NEURL1: variants seen among roughly 807,000 people sequenced by gnomAD.
NEURL1 encodes the protein E3 ubiquitin-protein ligase NEURL1.
A neutral mutation model predicts 41.2 loss-of-function variants in NEURL1; 26 were observed. That is an observed-to-expected ratio of 0.63 (90% CI 0.46 to 0.87). NEURL1 has a LOEUF of 0.87. NEURL1 is among the 40% of genes least tolerant of loss of function. The pLI, the probability that NEURL1 is intolerant of heterozygous loss-of-function variation, is 0.00. For missense variants in NEURL1, 761 were observed against 871.1 expected, an observed-to-expected ratio of 0.87 and a Z score of 1.59; for synonymous variants, 400 against 402.3, an observed-to-expected ratio of 0.99 and a Z score of 0.07.
chr10:103,548,714 T>C (rs1053272681), intron 1 of NEURL1, among the ~76,000 whole-genome samples: 1 of 152,236 alleles, frequency 6.6e-6, no homozygotes, highest in African/African-American at 2.4e-5. Flanking sequence ...TCTACGTGGA[T>C]TCCCGAGTTC....
intron 5 of NEURL1, among the ~76,000 whole-genome samples, chr10:103,589,920 C>T (rs74154554): frequency 2.5e-4 from 38 of 152,366 alleles, no homozygotes; most frequent in African/African-American, 9.1e-4. Context: ...GCCTCCTAGC[C>T]ACTCTGTCCC....
intron 1 of NEURL1, among the ~76,000 whole-genome samples, chr10:103,526,340 A>G (rs1052893077): frequency 6.6e-6 from 1 of 152,154 alleles, no homozygotes; most frequent in East Asian, 1.9e-4. Context: ...TGTTTGGTAG[A>G]ATTCAGCAGC....
rs370130979 is a variant in NEURL1, at chr10:103,582,156, G to A, written c.650-2380G>A. ...GGAGGCTCTGGCTGGACATCTCTGA[G>A]CGACCTGATTCCTCTTCTCCCTGCT... On this transcript the variant is annotated intron_variant, in intron 3 of 5. Coordinates refer to ENST00000369780, the MANE Select transcript of NEURL1 (RefSeq NM_004210.5). Among the ~76,000 whole-genome samples, 12 of 152,188 alleles carry A rather than the reference G, an allele frequency of 7.9e-5. 1 individual carries two copies. In the East Asian group the frequency reaches 2.3e-3, roughly 29 times the overall value.
chr10:103,539,593 GA>G (rs2034773853), intron 1 of NEURL1, among the ~76,000 whole-genome samples: 1 of 152,204 alleles, frequency 6.6e-6, no homozygotes, highest in Non-Finnish European at 1.5e-5. Flanking sequence ...GGTGTGTGGG[GA>G]CACCAGGGAA....
chr10:103,562,724 C>A (rs188066766), intron 1 of NEURL1, among the ~76,000 whole-genome samples: 1 of 152,270 alleles, frequency 6.6e-6, no homozygotes, highest in East Asian at 1.9e-4. Context: ...CATAGTAAGG[C>A]CCCTAACCTA....
intron 1 of NEURL1, among the ~76,000 whole-genome samples, chr10:103,506,154 T>C (rs187428349): frequency 6.6e-6 from 1 of 152,312 alleles, no homozygotes; most frequent in Non-Finnish European, 1.5e-5. Flanking sequence ...ATTAAGATGA[T>C]GGCAGGTCCA....
In NEURL1 at chr10:103,556,378, G is replaced by T. The variant is rs928572968; in HGVS notation, c.86-14494G>T. Among the ~76,000 whole-genome samples, 2 of 152,178 alleles carry T rather than the reference G, an allele frequency of 1.3e-5. No individual in the cohort carries two copies. Among genetic ancestry groups the T allele is most frequent in the South Asian group, 4.1e-4 (2 of 4,836 alleles). ...CAGAACAGAATAGGCTGACCTTGGG[G>T]AGTCCCTGACGCACTCCCCTATGTA... On this transcript the variant is annotated intron_variant, in intron 1 of 5. Coordinates refer to ENST00000369780, the MANE Select transcript of NEURL1 (RefSeq NM_004210.5). The surrounding 1 kb of genome is among the most constrained non-coding windows in gnomAD (Gnocchi z 4.4).
Position 103,571,258 on chromosome 10 carries a change from C to T in NEURL1, c.327+145C>T. The T allele has an allele frequency of 8.9e-6, 8 of 900,372 alleles. No individual in the cohort carries two copies. The South Asian group carries it at 1.1e-4, about 13-fold the overall frequency. 55.8% of individuals were successfully genotyped at this position (900,372 alleles called of 1,614,324 possible). On this transcript the variant is annotated intron_variant, in intron 2 of 5. Coordinates refer to ENST00000369780, the MANE Select transcript of NEURL1 (RefSeq NM_004210.5). ...TGCCCCTGCCTTTCCTCTCTGGTGA[C>T]CCTCTTCCCTCTTCCTTATGCCTTT...
At chr10:103,504,038 G>C (rs1296237336) in intron 1 of NEURL1, among the ~76,000 whole-genome samples, 1 of 151,482 alleles carries the variant, frequency 6.6e-6, no homozygotes. Context: ...CTGTCGCCCA[G>C]GCTGGAGTGC....
intron 1 of NEURL1, among the ~76,000 whole-genome samples, chr10:103,522,444 C>T (rs983508510): frequency 7.3e-5 from 10 of 136,116 alleles, no homozygotes; most frequent in Non-Finnish European, 1.4e-4. Context: ...CCCATCTCTA[C>T]TAATAATACA....
intron 3 of NEURL1, among the ~76,000 whole-genome samples, chr10:103,581,383 G>A (rs1008838557): frequency 6.6e-5 from 10 of 152,212 alleles, no homozygotes; most frequent in Non-Finnish European, 1.5e-4. Context: ...CCTATTAGGT[G>A]CCCTGTGTAC....
chr10:103,501,950 A>G (rs551796081), intron 1 of NEURL1, among the ~76,000 whole-genome samples: 2 of 151,698 alleles, frequency 1.3e-5, no homozygotes, highest in Non-Finnish European at 2.9e-5. Flanking sequence ...TATTTATTGT[A>G]GAGACAGAGT....
intron 3 of NEURL1, among the ~76,000 whole-genome samples, chr10:103,572,741 CAT>C (rs2035577261): frequency 6.6e-6 from 1 of 152,232 alleles, no homozygotes; most frequent in Non-Finnish European, 1.5e-5. Flanking sequence ...TGTGCGCACA[CAT>C]AGACTCTGGG....
chr10:103,522,339 G>A (rs1332643399), intron 1 of NEURL1, among the ~76,000 whole-genome samples: 2 of 151,832 alleles, frequency 1.3e-5, no homozygotes, highest in Non-Finnish European at 2.9e-5. Context: ...CAGGGATGGT[G>A]GCTCACGCCT....
chr10:103,582,747 A>G (rs917439982), intron 3 of NEURL1, among the ~76,000 whole-genome samples: 2 of 152,232 alleles, frequency 1.3e-5, no homozygotes, highest in African/African-American at 4.8e-5. Flanking sequence ...CAGTTCCTGA[A>G]GAGACAGCAC....
chr10:103,574,294 C>T lies in NEURL1; in HGVS notation c.649+2472C>T, dbSNP rs530742533. ...CAAGAGAAGCCAGTAAATCACTAAC[C>T]GCTGTGGTCATGGGATGCCTTCCAT... On this transcript the variant is annotated intron_variant, in intron 3 of 5. Coordinates refer to ENST00000369780, the MANE Select transcript of NEURL1 (RefSeq NM_004210.5). Among the ~76,000 whole-genome samples the T allele has an allele frequency of 3.9e-5, 6 of 152,306 alleles. No individual in the cohort carries two copies. In the East Asian group the frequency reaches 9.7e-4, roughly 25 times the overall value.
At chr10:103,496,933 G>T (rs2033699268) in intron 1 of NEURL1, among the ~76,000 whole-genome samples, 1 of 152,112 alleles carries the variant, frequency 6.6e-6, no homozygotes, top group East Asian at 1.9e-4. Context: ...TGAGGTCTCT[G>T]TGGCTAGGGT....
At position 103,508,999 on chromosome 10, in the gene NEURL1, C is replaced by G. The variant is rs879770539; in HGVS notation, c.85+14527C>G. 5.9e-5 allele frequency among the ~76,000 whole-genome samples: 9 copies of G among 152,108 alleles called. No individual in the cohort carries two copies. Among genetic ancestry groups the G allele is most frequent in the Non-Finnish European group, 5.9e-5 (4 of 68,024 alleles). ...TCACCTCCTTAGCACGAGGCTGAGG[C>G]GGGTGGATCACCTGAGGTCAGGAGT... On this transcript the variant is annotated intron_variant, in intron 1 of 5. Coordinates refer to ENST00000369780, the MANE Select transcript of NEURL1 (RefSeq NM_004210.5). This position sits in a 1 kb window ranked among gnomAD's most constrained non-coding sequence, Gnocchi z 4.3.
At chr10:103,502,800 T>A (rs2033853948) in intron 1 of NEURL1, among the ~76,000 whole-genome samples, 2 of 152,340 alleles carry the variant, frequency 1.3e-5, no homozygotes, top group East Asian at 1.9e-4. Context: ...AGCTGGGCAC[T>A]GCCCAGGGTG....
Sources: gnomAD v4.1 joint callset for allele counts (sites outside exome capture counted in the v4.1 genomes callset) on GRCh38, gnomAD v4.1.1 for gene constraint, Gnocchi (gnomAD v3.1) non-coding constraint, MANE v1.5 for transcripts, NCBI Gene and HGNC (gene_info 2026-07-23, HGNC 2026-07-21) for gene names.